Variants in SUGCT observed in about 807,000 individuals in gnomAD.
SUGCT encodes succinyl-CoA:glutarate CoA-transferase.
A neutral mutation model predicts 55.0 loss-of-function variants in SUGCT; 41 were observed. The ratio of observed to expected loss-of-function variants is 0.74; its 90% CI spans 0.58 to 0.97. The LOEUF (loss-of-function observed/expected upper bound fraction) is 0.97, where lower values mean the gene tolerates loss of function less well. Ranked by LOEUF, SUGCT falls within the 50% of genes least tolerant of loss-of-function variation. The pLI, the probability that SUGCT is intolerant of heterozygous loss-of-function variation, is 0.00. For missense variants in SUGCT, 568 were observed against 547.8 expected (o/e 1.04, Z -0.37); for synonymous variants, 187 against 200.4 (o/e 0.93, Z 0.56).
intron 12 of SUGCT, among the ~76,000 whole-genome samples, chr7:40,625,114 C>T (rs145072229): frequency 6.6e-6 from 1 of 152,222 alleles, no homozygotes; most frequent in African/African-American, 2.4e-5. Flanking sequence ...CCAATGCCAT[C>T]CCCCAGATTT....
the SUGCT span, among the ~76,000 whole-genome samples, chr7:40,969,044 G>C: frequency 7.2e-5 from 11 of 152,202 alleles, no homozygotes; most frequent in Non-Finnish European, 1.3e-4. Flanking sequence ...GGCCAACTCA[G>C]GGCACTGTGG....
At chr7:40,293,431 T>C (rs1793916811) in intron 8 of SUGCT, among the ~76,000 whole-genome samples, 1 of 152,208 alleles carries the variant, frequency 6.6e-6, no homozygotes, top group Admixed American at 6.5e-5. Flanking sequence ...TAGGGCATGG[T>C]CTGTGTACTG....
chr7:40,424,497 T>G (rs1787478822), intron 9 of SUGCT, among the ~76,000 whole-genome samples: 1 of 152,126 alleles, frequency 6.6e-6, no homozygotes, highest in South Asian at 2.1e-4. Flanking sequence ...AGATTTTAGG[T>G]GATTTGGAGG....
At chr7:40,646,136 C>T (rs1466799320) in intron 12 of SUGCT, among the ~76,000 whole-genome samples, 1 of 152,130 alleles carries the variant, frequency 6.6e-6, no homozygotes. Flanking sequence ...AGCAATGGCC[C>T]ACATATAATA....
At chr7:40,962,935 G>T in the SUGCT span, among the ~76,000 whole-genome samples, 1 of 152,116 alleles carries the variant, frequency 6.6e-6, no homozygotes, top group African/African-American at 2.4e-5. Flanking sequence ...ATCTGGAGAT[G>T]AGTTTATTTC....
At chr7:40,558,360 C>A (rs1196654488) in intron 12 of SUGCT, among the ~76,000 whole-genome samples, 1 of 151,926 alleles carries the variant, frequency 6.6e-6, no homozygotes, top group Non-Finnish European at 1.5e-5. Context: ...AAGGTGAAAA[C>A]AACTGAAGTG....
chr7:40,719,663 G>A (rs972421574), intron 12 of SUGCT, among the ~76,000 whole-genome samples: 2 of 152,166 alleles, frequency 1.3e-5, no homozygotes, highest in East Asian at 1.9e-4. Flanking sequence ...GGGAGAACTG[G>A]GGTGAAGATG....
At chr7:41,004,295 G>C in the SUGCT span, among the ~76,000 whole-genome samples, 1 of 152,214 alleles carries the variant, frequency 6.6e-6, no homozygotes, top group African/African-American at 2.4e-5. Flanking sequence ...TTATTGTCAT[G>C]GTTGGTCGAG....
chr7:40,864,760 C>T (rs1794550769), downstream of SUGCT, among the ~76,000 whole-genome samples: 2 of 151,692 alleles, frequency 1.3e-5, no homozygotes, highest in African/African-American at 2.4e-5. Flanking sequence ...GCTGCAGATC[C>T]AAGGACACAT....
the SUGCT span, among the ~76,000 whole-genome samples, chr7:40,982,200 G>A: frequency 2.2e-3 from 335 of 152,244 alleles, 1 homozygote; most frequent in African/African-American, 7.7e-3. Context: ...CATTATTATT[G>A]CCAGTAGGTT....
intron 1 of SUGCT, among the ~76,000 whole-genome samples, chr7:40,159,840 GA>G (rs1450529586): frequency 6.6e-6 from 1 of 152,184 alleles, no homozygotes; most frequent in Admixed American, 6.5e-5. Context: ...AGGGAGTCTG[GA>G]ATTGTGCTAC....
At chr7:40,474,512 C>T (rs1336945863) in intron 11 of SUGCT, among the ~76,000 whole-genome samples, 2 of 152,240 alleles carry the variant, frequency 1.3e-5, no homozygotes, top group East Asian at 1.9e-4. Context: ...CCATCCAGCA[C>T]ACTCGCATAG....
chr7:40,838,028 G>C (rs1268302167), intron 13 of SUGCT, among the ~76,000 whole-genome samples: 1 of 152,082 alleles, frequency 6.6e-6, no homozygotes, highest in East Asian at 1.9e-4. Flanking sequence ...CTATTTAATC[G>C]CCTTTGCACC....
chr7:40,971,895 G>A, the SUGCT span, among the ~76,000 whole-genome samples: 1 of 151,834 alleles, frequency 6.6e-6, no homozygotes, highest in East Asian at 1.9e-4. Context: ...TTTTTAGCAG[G>A]TCTTTGTCAA....
chr7:40,838,104 G>C (rs1218885369), intron 13 of SUGCT, among the ~76,000 whole-genome samples: 1 of 152,158 alleles, frequency 6.6e-6, no homozygotes, highest in African/African-American at 2.4e-5. Context: ...CTGTTCCATT[G>C]ACTGAGATTT....
the SUGCT span, among the ~76,000 whole-genome samples, chr7:41,006,068 A>G: frequency 6.6e-6 from 1 of 152,222 alleles, no homozygotes; most frequent in Non-Finnish European, 1.5e-5. Context: ...GTGAGACATG[A>G]CTGTGGAGAT....
At chr7:40,945,717 G>T in the SUGCT span, among the ~76,000 whole-genome samples, 1 of 152,136 alleles carries the variant, frequency 6.6e-6, no homozygotes, top group Non-Finnish European at 1.5e-5. Flanking sequence ...TTGTTCCCAT[G>T]GGGTGCTCCC....
At chr7:40,297,682 A>G (rs1042642869) in intron 8 of SUGCT, among the ~76,000 whole-genome samples, 1 of 152,200 alleles carries the variant, frequency 6.6e-6, no homozygotes, top group African/African-American at 2.4e-5. Context: ...CAGCCAGCAC[A>G]TATTACCCAC....
intron 9 of SUGCT, among the ~76,000 whole-genome samples, chr7:40,403,308 A>G (rs1346947186): frequency 6.6e-6 from 1 of 152,224 alleles, no homozygotes; most frequent in Non-Finnish European, 1.5e-5. Flanking sequence ...GTTCCATGCA[A>G]GCTTTATTCA....
Sources: gnomAD v4.1 joint callset for allele counts (sites outside exome capture counted in the v4.1 genomes callset) on GRCh38, gnomAD v4.1.1 for gene constraint, MANE v1.5 for transcripts, NCBI Gene and HGNC (gene_info 2026-07-23, HGNC 2026-07-21) for gene names.